SRRM4: variants seen among roughly 807,000 people sequenced by gnomAD.
The protein encoded by SRRM4 is serine/arginine repetitive matrix protein 4.
Under a neutral mutation model 68.9 loss-of-function variants are expected in SRRM4, and 33 were observed. The observed-to-expected ratio is 0.48, with a 90% CI of 0.36 to 0.64. The LOEUF (loss-of-function observed/expected upper bound fraction) is 0.64, where lower values mean the gene tolerates loss of function less well. Ranked by LOEUF, SRRM4 falls within the 30% of genes least tolerant of loss-of-function variation. The pLI is 0.00. For missense variants in SRRM4, 817 were observed against 827.1 expected (o/e 0.99, Z 0.15); for synonymous variants, 318 against 318.8 (o/e 1.00, Z 0.03).
chr12:119,082,377 T>C (rs538223792), intron 1 of SRRM4, among the ~76,000 whole-genome samples: 2 of 152,268 alleles, frequency 1.3e-5, no homozygotes, highest in South Asian at 2.1e-4. Context: ...CAGTGTAATT[T>C]GGGAAAATGT....
intron 2 of SRRM4, 67 bp from the exon 3 acceptor site, chr12:119,114,211 C>T (rs67382838): frequency 0.073 from 103,300 of 1,419,498 alleles, 4,499 homozygotes; most frequent in African/African-American, 0.19. Context: ...TCCCTGGCTG[C>T]ACCAGCTCTG....
chr12:119,056,112 C>T (rs1313964319), intron 1 of SRRM4, among the ~76,000 whole-genome samples: 2 of 152,214 alleles, frequency 1.3e-5, no homozygotes, highest in African/African-American at 4.8e-5. Context: ...CAGCCCCCCT[C>T]TCAGCCTCCC....
intron 1 of SRRM4, among the ~76,000 whole-genome samples, chr12:119,007,181 C>T (rs967677853): frequency 3.3e-5 from 5 of 152,208 alleles, no homozygotes; most frequent in Non-Finnish European, 5.9e-5. Flanking sequence ...ATCCATTGCA[C>T]ATGGAGTGCA....
At chr12:118,990,795 A>G (rs1172162631) in intron 1 of SRRM4, among the ~76,000 whole-genome samples, 1 of 151,890 alleles carries the variant, frequency 6.6e-6, no homozygotes. Flanking sequence ...AAAGCCCTCT[A>G]TCACTTTCTC....
intron 1 of SRRM4, among the ~76,000 whole-genome samples, chr12:119,060,467 A>C (rs1460772907): frequency 2.0e-5 from 3 of 150,590 alleles, no homozygotes; most frequent in African/African-American, 7.3e-5. Flanking sequence ...ACACTCATGC[A>C]CGTACACATT....
chr12:118,994,855 A>ATGG (rs977135829), intron 1 of SRRM4, among the ~76,000 whole-genome samples: 5 of 152,150 alleles, frequency 3.3e-5, no homozygotes, highest in Non-Finnish European at 7.4e-5. Context: ...AGTCAGTTTG[A>ATGG]TGGTGGTGGT....
chr12:118,994,373 G>A (rs1272147638), intron 1 of SRRM4, among the ~76,000 whole-genome samples: 1 of 152,064 alleles, frequency 6.6e-6, no homozygotes, highest in Non-Finnish European at 1.5e-5. Flanking sequence ...ATGTTTTCCA[G>A]GAAAGCTCAG....
intron 7 of SRRM4, among the ~76,000 whole-genome samples, chr12:119,129,624 T>C (rs1369234610): frequency 6.6e-6 from 1 of 152,220 alleles, no homozygotes; most frequent in Admixed American, 6.5e-5. Context: ...ACAAGTGACA[T>C]TAAACTGAAT....
intron 1 of SRRM4, among the ~76,000 whole-genome samples, chr12:119,033,387 C>T (rs368624388): frequency 3.2e-4 from 49 of 152,112 alleles, no homozygotes; most frequent in African/African-American, 1.1e-3. Context: ...TTTTCTCAGC[C>T]GGGTGCGGTG....
At chr12:119,138,554 C>T (rs749550770) in intron 8 of SRRM4, among the ~76,000 whole-genome samples, 1 of 152,178 alleles carries the variant, frequency 6.6e-6, no homozygotes, top group East Asian at 1.9e-4. Context: ...TCCCTCACTC[C>T]TTGGTTGAGG....
intron 1 of SRRM4, among the ~76,000 whole-genome samples, chr12:118,998,268 CAAAAAAAAAAAAA>C (rs35250419): frequency 0.021 from 754 of 36,632 alleles, 16 homozygotes; most frequent in African/African-American, 0.036. Context: ...AGCAATATGG[CAAAAAAAAAAAAA>C]AAAAAAAAAA....
chr12:119,021,091 A>G (rs1249523009), intron 1 of SRRM4, among the ~76,000 whole-genome samples: 1 of 152,146 alleles, frequency 6.6e-6, no homozygotes, highest in African/African-American at 2.4e-5. Flanking sequence ...GACGTCAGGT[A>G]AGTCAGGGAA....
intron 1 of SRRM4, chr12:118,994,279 C>T (rs1175379952): frequency 2.0e-5 from 3 of 152,214 alleles, no homozygotes; most frequent in African/African-American, 7.2e-5. Context: ...GTCCTATTAA[C>T]AAGCCAACTC....
chr12:119,103,120 C>T lies in SRRM4; in HGVS notation c.278+738C>T, dbSNP rs79726438. ...AAAATTATCCCCTGCCTCCTGTTTT[C>T]AGCATATGCTTATAAAGTCTGGCCC... On this transcript the variant is annotated intron_variant, in intron 2 of 12. Transcript: ENST00000267260. Among the ~76,000 whole-genome samples the T allele has an allele frequency of 0.01, 1,595 of 152,198 alleles. 75 individuals are homozygous for T. The East Asian group carries it at 0.14, about 14-fold the overall frequency.
chr12:119,045,843 G>C (rs1470945125), intron 1 of SRRM4, among the ~76,000 whole-genome samples: 1 of 152,000 alleles, frequency 6.6e-6, no homozygotes, highest in African/African-American at 2.4e-5. Context: ...TTCAAGACCA[G>C]CCTGGCCAAT....
chr12:119,055,332 T>G (rs1953769774), intron 1 of SRRM4, among the ~76,000 whole-genome samples: 1 of 152,064 alleles, frequency 6.6e-6, no homozygotes, highest in Admixed American at 6.6e-5. Context: ...CCCACATGCC[T>G]CACAAGACTA....
Position 119,125,416 on chromosome 12 carries a change from G to T in SRRM4, c.551G>T (p.Arg184Leu). 6.2e-7 allele frequency: 1 copy of T among 1,613,080 alleles called. No homozygotes were observed. Among genetic ancestry groups the T allele is most frequent in the Non-Finnish European group, 8.5e-7 (1 of 1,179,620 alleles). ...RSRPRKSHRHRHHRCPSRSQS... is the reference protein window; with the variant it reads ...RSRPRKSHRHLHHRCPSRSQS... ...CGGCCCCGAAAGTCTCACCGCCACCGCCATCACCGCTGCCCCTCGCGGTCC... is the reference window on the plus strand; with the variant it reads ...CGGCCCCGAAAGTCTCACCGCCACCTCCATCACCGCTGCCCCTCGCGGTCC... The change falls in exon 7 of 13, where the codon CGC becomes CTC. Residue 184 changes from arginine (R) to leucine (L), a missense_variant. Arg to Leu is a moderately radical substitution (Grantham distance 102). Coordinates refer to ENST00000267260, the MANE Select transcript of SRRM4 (RefSeq NM_194286.4).
intron 1 of SRRM4, among the ~76,000 whole-genome samples, chr12:119,092,758 A>G (rs1045757886): frequency 6.6e-6 from 1 of 151,590 alleles, no homozygotes; most frequent in African/African-American, 2.4e-5. Context: ...TGCCAGAGGG[A>G]TCCTTTAAAA....
intron 1 of SRRM4, among the ~76,000 whole-genome samples, chr12:119,060,770 C>T (rs560611485): frequency 6.6e-5 from 10 of 152,166 alleles, no homozygotes; most frequent in African/African-American, 2.2e-4. Context: ...TTTCCAATTC[C>T]CAAAGGACAT....
Sources: allele counts gnomAD v4.1 joint callset (sites outside exome capture counted in the v4.1 genomes callset), GRCh38; gene constraint gnomAD v4.1.1; transcripts MANE v1.5; gene names NCBI Gene and HGNC (gene_info 2026-07-23, HGNC 2026-07-21).